The following GRIK2 variants were observed in gnomAD, a reference collection of about 807,000 sequenced individuals.
The protein encoded by GRIK2 is glutamate receptor ionotropic, kainate 2.
GRIK2 carries 32 observed loss-of-function variants against 100.3 expected under a neutral mutation model. The observed-to-expected ratio is 0.32, with a 90% CI of 0.24 to 0.43. The LOEUF is 0.43. GRIK2 is among the 20% of genes least tolerant of loss of function. The pLI is 1.00. For synonymous variants in GRIK2, 417 were observed against 389.4 expected, an observed-to-expected ratio of 1.07 and a Z score of -0.83; for missense variants, 843 against 1,114.9, an observed-to-expected ratio of 0.76 and a Z score of 3.47.
intron 7 of GRIK2, among the ~76,000 whole-genome samples, chr6:101,794,164 G>A (rs909504504): frequency 6.6e-6 from 1 of 152,116 alleles, no homozygotes; most frequent in Non-Finnish European, 1.5e-5. Flanking sequence ...TGCGCTTCCT[G>A]AGTGAGGCAA....
At chr6:101,886,582 ATATGTGT>A (rs1786633081) in intron 11 of GRIK2, among the ~76,000 whole-genome samples, 1 of 151,782 alleles carries the variant, frequency 6.6e-6, no homozygotes, top group African/African-American at 2.4e-5. Flanking sequence ...TGTTCTTTTA[ATATGTGT>A]TATTTGAATT....
intron 2 of GRIK2, among the ~76,000 whole-genome samples, chr6:101,434,200 T>C (rs1271045212): frequency 6.6e-6 from 1 of 152,210 alleles, no homozygotes; most frequent in Non-Finnish European, 1.5e-5. Context: ...TCTAGAGGCC[T>C]TCAGCCCATG....
intron 2 of GRIK2, among the ~76,000 whole-genome samples, chr6:101,492,439 C>T (rs1562176577): frequency 6.6e-6 from 1 of 151,822 alleles, no homozygotes; most frequent in Non-Finnish European, 1.5e-5. Context: ...TCCTCAAACC[C>T]ATTTCTCTCT....
intron 9 of GRIK2, among the ~76,000 whole-genome samples, chr6:101,809,402 A>G (rs1191533973): frequency 6.6e-6 from 1 of 151,886 alleles, no homozygotes; most frequent in South Asian, 2.1e-4. Flanking sequence ...TTACTTGTTG[A>G]CTCCTGCCCT....
rs1372206224 is a variant in GRIK2, at chr6:101,686,353, G to A, written c.951G>A (p.Thr317=). ...PDSGLLDGFM[T]TDAALMYDAV... Reference sequence around the variant, plus strand: ...CAGGTTTGCTGGATGGATTTATGACGGTATGAATACCCACTTAAAGATCAG... The same window carrying A: ...CAGGTTTGCTGGATGGATTTATGACAGTATGAATACCCACTTAAAGATCAG... The change falls in exon 7 of 17, where the codon ACG becomes ACA. Residue 317 remains threonine (T), a splice_region_variant and synonymous_variant. Coordinates refer to ENST00000369134, the MANE Select transcript of GRIK2 (RefSeq NM_021956.5). 1 of 1,608,588 alleles carries A rather than the reference G, an allele frequency of 6.2e-7. No individual in the cohort carries two copies. Among genetic ancestry groups the A allele is most frequent in the Non-Finnish European group, 8.5e-7 (1 of 1,175,596 alleles).
At chr6:101,485,029 G>C (rs1772744165) in intron 2 of GRIK2, among the ~76,000 whole-genome samples, 1 of 152,126 alleles carries the variant, frequency 6.6e-6, no homozygotes, top group Admixed American at 6.5e-5. Context: ...AAACTAAATA[G>C]CATCAAATAC....
chr6:101,913,998 T>C (rs1339678250), intron 12 of GRIK2, among the ~76,000 whole-genome samples: 1 of 151,414 alleles, frequency 6.6e-6, no homozygotes, highest in Non-Finnish European at 1.5e-5. Context: ...AAGATTTACT[T>C]AATAGTCATA....
At chr6:101,883,289 AAAT>A (rs143808702) in intron 11 of GRIK2, among the ~76,000 whole-genome samples, 14,206 of 144,176 alleles carry the variant, frequency 0.099, 1,327 homozygotes, top group East Asian at 0.49. Flanking sequence ...TCTCTTTGGC[AAAT>A]AATAATAATA....
chr6:102,001,185 ATT>A (rs66913053), intron 14 of GRIK2, among the ~76,000 whole-genome samples: 3,095 of 142,608 alleles, frequency 0.022, 112 homozygotes, highest in African/African-American at 0.071. Flanking sequence ...CTTCTTCTTT[ATT>A]TTTTTTTTTT....
chr6:101,873,897 T>G (rs1785613537), intron 11 of GRIK2, among the ~76,000 whole-genome samples: 1 of 152,224 alleles, frequency 6.6e-6, no homozygotes, highest in Non-Finnish European at 1.5e-5. Flanking sequence ...ATGTCTTCTT[T>G]GGAGAAGTGT....
At chr6:101,846,103 T>G (rs2128437501) in intron 10 of GRIK2, among the ~76,000 whole-genome samples, 1 of 152,184 alleles carries the variant, frequency 6.6e-6, no homozygotes, top group South Asian at 2.1e-4. Context: ...CTCCCATTCT[T>G]TAGTTTGTCT....
At chr6:101,803,435 C>G (rs1002540359) in intron 9 of GRIK2, among the ~76,000 whole-genome samples, 6 of 151,784 alleles carry the variant, frequency 4.0e-5, no homozygotes, top group African/African-American at 1.5e-4. Context: ...AGAGCTGTTA[C>G]CTCCTGCCAC....
intron 14 of GRIK2, among the ~76,000 whole-genome samples, chr6:102,014,534 A>C (rs933873486): frequency 6.6e-6 from 1 of 151,860 alleles, no homozygotes; most frequent in African/African-American, 2.4e-5. Context: ...TTGTGATGTT[A>C]GGTTGTTAAA....
At chr6:101,633,916 C>G (rs950446286) in intron 4 of GRIK2, among the ~76,000 whole-genome samples, 2 of 152,244 alleles carry the variant, frequency 1.3e-5, no homozygotes, top group African/African-American at 4.8e-5. Context: ...GGTTTTGAAA[C>G]TAGGCAGTCA....
chr6:101,686,029 A>G (rs1771665815), intron 6 of GRIK2, 151 bp from the exon 7 acceptor site: 2 of 564,406 alleles, frequency 3.5e-6, no homozygotes, highest in Non-Finnish European at 6.3e-6. Context: ...AGGACAGTCT[A>G]TTTGAATCTT....
intron 14 of GRIK2, among the ~76,000 whole-genome samples, chr6:102,020,718 G>T (rs1384510885): frequency 1.3e-5 from 2 of 151,794 alleles, no homozygotes; most frequent in Non-Finnish European, 2.9e-5. Flanking sequence ...TTTGTCAATA[G>T]CTATTCCTGC....
chr6:101,988,847 C>A (rs1301570459), intron 14 of GRIK2, among the ~76,000 whole-genome samples: 2 of 151,776 alleles, frequency 1.3e-5, no homozygotes, highest in African/African-American at 4.8e-5. Context: ...ATTTTTCAGT[C>A]CAAATTTTGA....
chr6:101,516,541 G>T (rs1774594984), intron 2 of GRIK2, among the ~76,000 whole-genome samples: 1 of 151,992 alleles, frequency 6.6e-6, no homozygotes, highest in Non-Finnish European at 1.5e-5. Flanking sequence ...CCACATGTAG[G>T]AGAATGAAAC....
chr6:101,973,633 T>G, intron 14 of GRIK2, among the ~76,000 whole-genome samples: 1 of 151,918 alleles, frequency 6.6e-6, no homozygotes, highest in East Asian at 1.9e-4. Context: ...ATAAGATTGT[T>G]TATATTAAAT....
Sources: allele counts gnomAD v4.1 joint callset (sites outside exome capture counted in the v4.1 genomes callset), GRCh38; gene constraint gnomAD v4.1.1; transcripts MANE v1.5; gene names NCBI Gene and HGNC (gene_info 2026-07-23, HGNC 2026-07-21).